The following CLUL1 variants were observed in gnomAD, a reference collection of about 807,000 sequenced individuals.
The protein encoded by CLUL1 is clusterin like 1.
Under a neutral mutation model 49.4 loss-of-function variants are expected in CLUL1, and 43 were observed. The observed-to-expected ratio is 0.87, with a 90% CI of 0.68 to 1.12. The LOEUF is 1.12. Ranked by LOEUF, CLUL1 falls within the 50% of genes most tolerant of loss-of-function variation. The pLI, the probability that CLUL1 is intolerant of heterozygous loss-of-function variation, is 0.00. For synonymous variants in CLUL1, 192 were observed against 184.9 expected (o/e 1.04, Z -0.31); for missense variants, 486 against 544.4 (o/e 0.89, Z 1.07).
At chr18:613,150 T>A in intron 2 of CLUL1, 1 of 437,224 alleles carries the variant, frequency 2.3e-6, no homozygotes, top group Non-Finnish European at 4.1e-6. Flanking sequence ...TTATTGTATT[T>A]TTTTTGAGAT....
rs1234046254 is a variant in CLUL1, at chr18:627,479, C to A, written c.806C>A (p.Thr269Lys). 3 of 1,613,064 alleles carry A rather than the reference C, an allele frequency of 1.9e-6. No individual in the cohort carries two copies. The African/African-American group carries it at 4.0e-5, about 22-fold the overall frequency. ...SVSIYESVSE[T>K]ITKMLKAIED... is the part of the protein sequence containing the mutation. ...TCTATTTATGAAAGTGTCAGTGAAACAATTACTAAGATGCTGAAGGCAATA... is the reference window on the plus strand; with the variant it reads ...TCTATTTATGAAAGTGTCAGTGAAAAAATTACTAAGATGCTGAAGGCAATA... The change falls in exon 6 of 10, where the codon ACA (threonine) becomes AAA (lysine). Residue 269 changes from threonine (T) to lysine (K), a missense_variant. Physicochemically the swap from Thr to Lys is moderately conservative, Grantham distance 78. Coordinates refer to ENST00000692774, the MANE Select transcript of CLUL1 (RefSeq NM_001393344.1).
At chr18:611,341 T>G (rs1302692945) in intron 2 of CLUL1, among the ~76,000 whole-genome samples, 1 of 148,192 alleles carries the variant, frequency 6.7e-6, no homozygotes, top group African/African-American at 2.5e-5. Context: ...ATGGATAAAA[T>G]AAAGAAGATC....
At position 645,027 on chromosome 18, in the gene CLUL1, G is replaced by A. The variant is rs747943841; in HGVS notation, c.1327G>A (p.Glu443Lys). ...TLKIPLEESA[E>K]SSNFIGYVVA... Reference sequence around the variant, plus strand: ...CAAGATCCCTCTTGAAGAAAGTGCTGAGAGTTCTAACTTCATTGGCTACGT... The same window carrying A: ...CAAGATCCCTCTTGAAGAAAGTGCTAAGAGTTCTAACTTCATTGGCTACGT... The change falls in exon 9 of 10, where the codon GAG (glutamate) becomes AAG (lysine). Residue 443 changes from glutamate to lysine, a missense_variant. Transcript: ENST00000692774. 6 of 1,613,472 alleles carry A rather than the reference G, an allele frequency of 3.7e-6. No homozygotes were observed. The South Asian group carries it at 6.6e-5, about 18-fold the overall frequency.
chr18:604,455 A>T (rs545946154), intron 1 of CLUL1, among the ~76,000 whole-genome samples: 94 of 152,370 alleles, frequency 6.2e-4, no homozygotes, highest in African/African-American at 2.2e-3. Context: ...TGGGATGAAG[A>T]GTGGCATAAG....
chr18:610,105 T>A (rs1468136457), intron 2 of CLUL1, among the ~76,000 whole-genome samples: 1 of 152,122 alleles, frequency 6.6e-6, no homozygotes, highest in Non-Finnish European at 1.5e-5. Context: ...TTATGGTATT[T>A]TACCCATCCT....
intron 4 of CLUL1, among the ~76,000 whole-genome samples, chr18:620,327 G>A (rs940934681): frequency 6.6e-6 from 1 of 151,400 alleles, no homozygotes; most frequent in Non-Finnish European, 1.5e-5. Context: ...CTTTTGGTCC[G>A]CTTGAGCTTA....
Position 641,540 on chromosome 18 carries a change from A to C in CLUL1, c.1208A>C (p.Gln403Pro). ...ACAGAGATCATCTTTAATTCAATAC[A>C]GGTAAAGGAGAGACCCAAGAGCAGA... ...PETEIIFNSI[Q>P]VVPRIHEGNI... Residue 403 changes from glutamine (Q) to proline (P), a missense_variant and splice_region_variant, in exon 8 of 10, where the codon CAG (glutamine) becomes CCG (proline). Physicochemically the swap from Gln to Pro is moderately conservative, Grantham distance 76 (BLOSUM62 -1). Transcript: ENST00000692774. 6.2e-7 allele frequency: 1 copy of C among 1,613,408 alleles called. No individual in the cohort carries two copies. Among genetic ancestry groups the C allele is most frequent in the Non-Finnish European group, 8.5e-7 (1 of 1,179,432 alleles).
At chr18:613,810 T>A (rs1402300202) in intron 2 of CLUL1, among the ~76,000 whole-genome samples, 1 of 152,206 alleles carries the variant, frequency 6.6e-6, no homozygotes, top group Non-Finnish European at 1.5e-5. Context: ...TTGCACTCTG[T>A]GTGGCTCAAT....
At chr18:636,032 G>A (rs182903814) in intron 7 of CLUL1, among the ~76,000 whole-genome samples, 1 of 152,100 alleles carries the variant, frequency 6.6e-6, no homozygotes, top group Non-Finnish European at 1.5e-5. Flanking sequence ...ATCGCGCCTG[G>A]CCAACAAATT....
At chr18:626,648 C>T (rs923895738) in intron 5 of CLUL1, among the ~76,000 whole-genome samples, 1 of 151,002 alleles carries the variant, frequency 6.6e-6, no homozygotes, top group Non-Finnish European at 1.5e-5. Context: ...TACCTGAGCT[C>T]AGGAGTTCGA....
Position 645,003 on chromosome 18 carries a change from A to C in CLUL1, c.1303A>C (p.Lys435Gln), listed in dbSNP as rs371947454. The change falls in exon 9 of 10, where the codon AAG becomes CAG. Residue 435 changes from lysine to glutamine, a missense_variant. Lys to Gln is a moderately conservative substitution (Grantham distance 53). Coordinates refer to ENST00000692774, the MANE Select transcript of CLUL1 (RefSeq NM_001393344.1). ...TCTGCCTTCCTCTAATTTCACACTCAAGATCCCTCTTGAAGAAAGTGCTGA... is the reference window on the plus strand; with the variant it reads ...TCTGCCTTCCTCTAATTTCACACTCCAGATCCCTCTTGAAGAAAGTGCTGA... The part of the protein sequence containing the change: ...SILPSSNFTL[K>Q]IPLEESAESS... 6 of 1,613,756 alleles carry C rather than the reference A, an allele frequency of 3.7e-6. No individual in the cohort carries two copies. The African/African-American group carries it at 8.0e-5, about 22-fold the overall frequency.
In CLUL1 at chr18:637,743, G is replaced by T. The variant is rs138590862; in HGVS notation, c.995-3584G>T. 2.5e-3 allele frequency among the ~76,000 whole-genome samples: 377 copies of T among 152,266 alleles called. 3 individuals are homozygous for T. The highest frequency in any genetic ancestry group is 8.4e-3 in the African/African-American group (350 of 41,546). On this transcript the variant is annotated intron_variant, in intron 7 of 9. Transcript: ENST00000692774. Reference sequence around the variant, plus strand: ...TAATCCCAGCACTCTGGAAGGCCGAGGCGGGCGGATCACCTGCGGTCAGGA... The same window carrying T: ...TAATCCCAGCACTCTGGAAGGCCGATGCGGGCGGATCACCTGCGGTCAGGA...
chr18:632,736 A>G (rs994627927), intron 6 of CLUL1, among the ~76,000 whole-genome samples: 4 of 152,226 alleles, frequency 2.6e-5, no homozygotes, highest in Non-Finnish European at 5.9e-5. Flanking sequence ...GCATTAATAT[A>G]TGTGTGTATA....
chr18:626,936 A>G (rs2073779420), intron 5 of CLUL1, among the ~76,000 whole-genome samples, 161 bp from the exon 6 acceptor site: 1 of 2,888 alleles, frequency 3.5e-4, no homozygotes, highest in Non-Finnish European at 1.3e-3. Flanking sequence ...AGAAGGAAAG[A>G]AGGAAAGAAG....
At chr18:639,050 A>G (rs2074246979) in intron 7 of CLUL1, among the ~76,000 whole-genome samples, 1 of 152,218 alleles carries the variant, frequency 6.6e-6, no homozygotes. Flanking sequence ...TACATATAAT[A>G]TATACAAATG....
intron 2 of CLUL1, among the ~76,000 whole-genome samples, chr18:610,977 T>C (rs2073117418): frequency 6.6e-6 from 1 of 152,108 alleles, no homozygotes; most frequent in Non-Finnish European, 1.5e-5. Flanking sequence ...TAATCAAAAA[T>C]TTGCCTGGAA....
intron 6 of CLUL1, among the ~76,000 whole-genome samples, chr18:632,724 A>G (rs1455944111): frequency 5.3e-5 from 8 of 152,218 alleles, no homozygotes; most frequent in African/African-American, 9.6e-5. Flanking sequence ...ATAAAATTAC[A>G]TGCATTAATA....
chr18:598,473 C>G, intron 1 of CLUL1: 2 of 398,436 alleles, frequency 5.0e-6, no homozygotes, highest in Non-Finnish European at 8.9e-6. Context: ...CTCAAGGCTG[C>G]CTGAGTTCCT....
chr18:627,013 A>AAG (rs1309466835), intron 5 of CLUL1, 84 bp from the exon 6 acceptor site: 1 of 32,252 alleles, frequency 3.1e-5, no homozygotes, highest in African/African-American at 1.4e-4. Context: ...GAAGGAAAGA[A>AAG]AGAAAGAAAG....
Sources: allele counts gnomAD v4.1 joint callset (sites outside exome capture counted in the v4.1 genomes callset), GRCh38; gene constraint gnomAD v4.1.1; transcripts MANE v1.5; gene names NCBI Gene and HGNC (gene_info 2026-07-23, HGNC 2026-07-21).